Variants in PDE1C observed in about 807,000 individuals in gnomAD.
The protein encoded by PDE1C is dual specificity calcium/calmodulin-dependent 3',5'-cyclic nucleotide phosphodiesterase 1C.
PDE1C carries 62 observed loss-of-function variants against 93.1 expected under a neutral mutation model. That is an observed-to-expected ratio of 0.67 (90% CI 0.54 to 0.82). PDE1C has a LOEUF of 0.82. Ranked by LOEUF, PDE1C falls within the 40% of genes least tolerant of loss-of-function variation. PDE1C has a pLI of 0.00. For missense variants in PDE1C, 742 were observed against 884.6 expected, an observed-to-expected ratio of 0.84 and a Z score of 2.04; for synonymous variants, 325 against 310.1, an observed-to-expected ratio of 1.05 and a Z score of -0.50.
chr7:31,638,136 G>A, the PDE1C span, among the ~76,000 whole-genome samples: 1 of 152,164 alleles, frequency 6.6e-6, no homozygotes, highest in Non-Finnish European at 1.5e-5. Context: ...GCTTTTGAAA[G>A]GTTACTGCAA....
intron 2 of PDE1C, among the ~76,000 whole-genome samples, chr7:32,037,938 T>A (rs558368835): frequency 6.6e-6 from 1 of 152,348 alleles, no homozygotes; most frequent in Non-Finnish European, 1.5e-5. Flanking sequence ...GTATGACTTA[T>A]TTTTAAAATA....
chr7:32,012,831 A>G (rs1044218386), intron 2 of PDE1C, among the ~76,000 whole-genome samples: 3 of 152,268 alleles, frequency 2.0e-5, no homozygotes, highest in African/African-American at 7.2e-5. Context: ...TCCTGGCTCT[A>G]CCTCTAACTT....
chr7:32,147,767 G>A (rs188238037), intron 3 of PDE1C, among the ~76,000 whole-genome samples: 147 of 151,988 alleles, frequency 9.7e-4, no homozygotes, highest in African/African-American at 3.3e-3. Context: ...CCCCTGAGGG[G>A]TTGAGATAGT....
intron 16 of PDE1C, among the ~76,000 whole-genome samples, chr7:31,799,594 T>C (rs1460865943): frequency 6.6e-6 from 1 of 151,644 alleles, no homozygotes; most frequent in Non-Finnish European, 1.5e-5. Context: ...AAAAAACACA[T>C]ACATTTCTTC....
At chr7:32,357,701 A>C (rs1383595981) in intron 1 of PDE1C, among the ~76,000 whole-genome samples, 1 of 152,182 alleles carries the variant, frequency 6.6e-6, no homozygotes, top group African/African-American at 2.4e-5. Flanking sequence ...TTCAGGACCT[A>C]ACACCAGCAT....
intron 2 of PDE1C, among the ~76,000 whole-genome samples, chr7:31,969,086 C>G (rs964127213): frequency 6.6e-6 from 1 of 152,150 alleles, no homozygotes; most frequent in Admixed American, 6.5e-5. Context: ...GATTCCAGGT[C>G]TAAAACACCA....
chr7:32,314,805 T>C (rs779921784), intron 1 of PDE1C, among the ~76,000 whole-genome samples: 24 of 151,394 alleles, frequency 1.6e-4, no homozygotes, highest in Non-Finnish European at 2.2e-4. Flanking sequence ...ACCTACAGAG[T>C]AGATCCAGCT....
chr7:31,720,250 G>A, the PDE1C span, among the ~76,000 whole-genome samples: 1 of 151,622 alleles, frequency 6.6e-6, no homozygotes, highest in African/African-American at 2.4e-5. Context: ...TTGGAGTAGG[G>A]GAGGTAGCCC....
intron 3 of PDE1C, among the ~76,000 whole-genome samples, chr7:32,119,839 C>T (rs1799198406): frequency 6.6e-6 from 1 of 152,234 alleles, no homozygotes; most frequent in African/African-American, 2.4e-5. Context: ...TCAACAGCCT[C>T]TCAGCTAGAA....
chr7:31,642,784 T>A, the PDE1C span: 9 of 1,613,474 alleles, frequency 5.6e-6, no homozygotes, highest in Non-Finnish European at 7.6e-6. Flanking sequence ...TCAGCTAGAG[T>A]CGGATGGGCC....
intron 17 of PDE1C, among the ~76,000 whole-genome samples, chr7:31,758,607 T>C (rs1043053509): frequency 5.9e-5 from 9 of 152,238 alleles, no homozygotes; most frequent in Non-Finnish European, 1.2e-4. Flanking sequence ...ACTTCACCCA[T>C]TGCAATATCC....
chr7:32,027,167 CG>C (rs1283009752), intron 2 of PDE1C, among the ~76,000 whole-genome samples: 1 of 152,064 alleles, frequency 6.6e-6, no homozygotes, highest in Non-Finnish European at 1.5e-5. Flanking sequence ...CTCTGAACTT[CG>C]GGCGAGAATG....
chr7:31,954,182 T>C (rs1807809000), intron 2 of PDE1C, among the ~76,000 whole-genome samples: 1 of 152,190 alleles, frequency 6.6e-6, no homozygotes, highest in Non-Finnish European at 1.5e-5. Flanking sequence ...CCCAACCCCT[T>C]TGCATTGAGG....
chr7:31,930,380 A>G (rs533727704), intron 2 of PDE1C, among the ~76,000 whole-genome samples: 1 of 152,326 alleles, frequency 6.6e-6, no homozygotes, highest in Admixed American at 6.5e-5. Context: ...AACAATAGAA[A>G]AAGAGGGACT....
chr7:31,763,980 AT>A (rs1487049275), intron 17 of PDE1C, among the ~76,000 whole-genome samples: 1 of 148,388 alleles, frequency 6.7e-6, no homozygotes, highest in Non-Finnish European at 1.5e-5. Context: ...TATTATGTAT[AT>A]ATTATATATA....
At chr7:31,722,455 TCA>T in the PDE1C span, among the ~76,000 whole-genome samples, 1 of 152,140 alleles carries the variant, frequency 6.6e-6, no homozygotes, top group Non-Finnish European at 1.5e-5. Context: ...CCTGCAGAGC[TCA>T]CAGTTTACTT....
intron 8 of PDE1C, among the ~76,000 whole-genome samples, chr7:31,849,642 C>T (rs1793076903): frequency 6.6e-6 from 1 of 152,080 alleles, no homozygotes; most frequent in Non-Finnish European, 1.5e-5. Context: ...AGAGTGTGCA[C>T]CTGCTTTTTC....
chr7:32,373,605 A>G (rs1318239451), intron 1 of PDE1C, among the ~76,000 whole-genome samples: 1 of 152,254 alleles, frequency 6.6e-6, no homozygotes, highest in Non-Finnish European at 1.5e-5. Context: ...TATACTTTAA[A>G]TAGATGAATT....
At chr7:31,859,571 T>G (rs1794434720) in intron 7 of PDE1C, among the ~76,000 whole-genome samples, 1 of 151,890 alleles carries the variant, frequency 6.6e-6, no homozygotes, top group African/African-American at 2.4e-5. Context: ...AGTAATGGTC[T>G]CATAGAGAAG....
Sources: allele counts gnomAD v4.1 joint callset (sites outside exome capture counted in the v4.1 genomes callset), GRCh38; gene constraint gnomAD v4.1.1; transcripts MANE v1.5; gene names NCBI Gene and HGNC (gene_info 2026-07-23, HGNC 2026-07-21).